Variants in ROBO2 observed in about 807,000 individuals in gnomAD.
ROBO2 encodes roundabout guidance receptor 2.
A neutral mutation model predicts 160.8 loss-of-function variants in ROBO2; 53 were observed. That is an observed-to-expected ratio of 0.33 (90% CI 0.26 to 0.41). The LOEUF is 0.41. Among genes scored for constraint, ROBO2 ranks in the 10% least tolerant of loss-of-function variants. The probability of loss-of-function intolerance (pLI) is 1.00; values close to 1 mark genes in which losing one functional copy is unlikely to be tolerated. For synonymous variants in ROBO2, 664 were observed against 611.7 expected (o/e 1.09, Z -1.26); for missense variants, 1,577 against 1,722.4 (o/e 0.92, Z 1.49).
chr3:76,428,219 A>G (rs2076296549), intron 2 of ROBO2, among the ~76,000 whole-genome samples: 1 of 152,206 alleles, frequency 6.6e-6, no homozygotes, highest in African/African-American at 2.4e-5. Context: ...AATAGGCTCC[A>G]GACATTCACA....
intron 2 of ROBO2, among the ~76,000 whole-genome samples, chr3:76,873,539 C>A (rs1206329187): frequency 6.6e-6 from 1 of 152,110 alleles, no homozygotes; most frequent in East Asian, 1.9e-4. Flanking sequence ...AGTTGCATTT[C>A]TTAAGGAAGT....
chr3:75,962,486 C>T (rs1948952661), intron 2 of ROBO2, among the ~76,000 whole-genome samples: 1 of 151,764 alleles, frequency 6.6e-6, no homozygotes, highest in Admixed American at 6.6e-5. Flanking sequence ...ATCTTTGTTT[C>T]TTTGCCTCCG....
At chr3:77,311,790 A>G (rs1468335780) in intron 2 of ROBO2, among the ~76,000 whole-genome samples, 1 of 152,214 alleles carries the variant, frequency 6.6e-6, no homozygotes, top group African/African-American at 2.4e-5. Flanking sequence ...ACATCACTCA[A>G]AACAAATGAC....
intron 2 of ROBO2, among the ~76,000 whole-genome samples, chr3:76,238,414 T>C (rs913227321): frequency 6.6e-6 from 1 of 152,032 alleles, no homozygotes; most frequent in African/African-American, 2.4e-5. Flanking sequence ...TTACTAACTC[T>C]CCTGAGAAGA....
intron 2 of ROBO2, among the ~76,000 whole-genome samples, chr3:76,519,831 A>C (rs1186465914): frequency 6.6e-6 from 1 of 152,198 alleles, no homozygotes; most frequent in African/African-American, 2.4e-5. Context: ...GATCTGAATC[A>C]GTCTCTCCCT....
chr3:76,088,978 G>T (rs1242176269), intron 2 of ROBO2, among the ~76,000 whole-genome samples: 3 of 151,894 alleles, frequency 2.0e-5, no homozygotes. Flanking sequence ...GAGAGCACAC[G>T]AATTACCAAT....
intron 2 of ROBO2, among the ~76,000 whole-genome samples, chr3:77,344,372 A>G (rs2067397731): frequency 1.3e-5 from 2 of 152,218 alleles, no homozygotes; most frequent in South Asian, 4.1e-4. Flanking sequence ...TCATGTGTTG[A>G]AATCCTAATC....
chr3:77,216,410 C>T lies in ROBO2; in HGVS notation c.388+118070C>T, dbSNP rs143644477. On this transcript the variant is annotated intron_variant, in intron 2 of 25. Coordinates refer to ENST00000461745, the Ensembl canonical transcript of ROBO2. ...ATATAATCTCCTGGTGCGCCGTTTA[C>T]TAAGACCATTGGAAAAATGCAGTAT... 4.2e-4 allele frequency among the ~76,000 whole-genome samples: 64 copies of T among 152,324 alleles called. 1 individual carries two copies. Among genetic ancestry groups the T allele is most frequent in the African/African-American group, 1.5e-3 (64 of 41,574 alleles).
chr3:76,167,042 G>A (rs538732401), intron 2 of ROBO2, among the ~76,000 whole-genome samples: 2 of 152,208 alleles, frequency 1.3e-5, no homozygotes, highest in East Asian at 3.9e-4. Context: ...CCAGGTTCAA[G>A]TGATTCTCCC....
At chr3:75,948,448 T>C (rs937612250) in intron 2 of ROBO2, among the ~76,000 whole-genome samples, 2 of 152,110 alleles carry the variant, frequency 1.3e-5, no homozygotes, top group African/African-American at 4.8e-5. Context: ...TATTTATGTG[T>C]GTATGGGAAG....
chr3:76,418,868 G>A (rs561145557), intron 2 of ROBO2, among the ~76,000 whole-genome samples: 3 of 151,966 alleles, frequency 2.0e-5, no homozygotes, highest in East Asian at 3.9e-4. Flanking sequence ...CTAGTTTACT[G>A]GTGAAAAAAA....
chr3:76,811,668 C>A (rs1427929985), intron 2 of ROBO2, among the ~76,000 whole-genome samples: 1 of 152,094 alleles, frequency 6.6e-6, no homozygotes, highest in Non-Finnish European at 1.5e-5. Context: ...ACATTCACAT[C>A]AAGAAAGGAT....
intron 2 of ROBO2, among the ~76,000 whole-genome samples, chr3:76,599,860 T>A (rs1189572445): frequency 6.6e-6 from 1 of 152,122 alleles, no homozygotes; most frequent in Non-Finnish European, 1.5e-5. Flanking sequence ...TTGAAAAGTG[T>A]CTGTTAATGT....
In ROBO2 at chr3:77,379,698, G is replaced by A. The variant is rs139143019; in HGVS notation, c.389-97716G>A. ...TGATATCTCTAAACTCTGGTACTCT[G>A]AAATATCTCTTCCTGACCTGCTACT... On this transcript the variant is annotated intron_variant, in intron 2 of 25. Coordinates refer to ENST00000461745, the Ensembl canonical transcript of ROBO2. Among the ~76,000 whole-genome samples the A allele has an allele frequency of 5.3e-5, 8 of 152,242 alleles. No individual in the cohort carries two copies. In the East Asian group the frequency reaches 1.3e-3, roughly 26 times the overall value.
intron 3 of ROBO2, among the ~76,000 whole-genome samples, chr3:77,479,610 A>G (rs554925499): frequency 3.3e-5 from 5 of 152,258 alleles, no homozygotes; most frequent in African/African-American, 1.2e-4. Context: ...TGTGAGATCT[A>G]CATTACCAAA....
chr3:76,631,560 A>G (rs1048081859), intron 2 of ROBO2, among the ~76,000 whole-genome samples: 5 of 152,240 alleles, frequency 3.3e-5, no homozygotes, highest in Non-Finnish European at 7.3e-5. Flanking sequence ...AGCAGAAAAT[A>G]TGCCTTCATT....
intron 2 of ROBO2, among the ~76,000 whole-genome samples, chr3:76,891,337 G>T (rs1002341084): frequency 2.6e-5 from 4 of 152,006 alleles, no homozygotes; most frequent in African/African-American, 9.7e-5. Flanking sequence ...TTCCTAAGCT[G>T]TTGAACAATT....
intron 2 of ROBO2, among the ~76,000 whole-genome samples, chr3:76,031,339 T>C (rs1173971103): frequency 6.6e-6 from 1 of 152,210 alleles, no homozygotes; most frequent in Non-Finnish European, 1.5e-5. Context: ...CTTTTCCTAA[T>C]TGAATACCCT....
chr3:77,346,752 G>T (rs369796291), intron 2 of ROBO2, among the ~76,000 whole-genome samples: 20 of 152,148 alleles, frequency 1.3e-4, no homozygotes, highest in African/African-American at 4.8e-4. Context: ...ACCTTCTAGT[G>T]GCTGCCTGCA....
Sources: gnomAD v4.1 joint callset for allele counts (sites outside exome capture counted in the v4.1 genomes callset) on GRCh38, gnomAD v4.1.1 for gene constraint, MANE v1.5 for transcripts, NCBI Gene and HGNC (gene_info 2026-07-23, HGNC 2026-07-21) for gene names.